The following ZNF676 variants were observed in gnomAD, a reference collection of about 807,000 sequenced individuals.
The protein encoded by ZNF676 is zinc finger protein 676.
A neutral mutation model predicts 6.0 loss-of-function variants in ZNF676; 4 were observed. The ratio of observed to expected loss-of-function variants is 0.67; its 90% CI spans 0.33 to 1.53. The LOEUF is 1.53. Among genes scored for constraint, ZNF676 ranks in the 40% most tolerant of loss-of-function variants. The pLI, the probability that ZNF676 is intolerant of heterozygous loss-of-function variation, is 0.06. For synonymous variants in ZNF676, 198 were observed against 223.1 expected, an observed-to-expected ratio of 0.89 and a Z score of 1.00; for missense variants, 644 against 679.7, an observed-to-expected ratio of 0.95 and a Z score of 0.58.
chr19:22,231,079 T>C, the ZNF676 span, among the ~76,000 whole-genome samples: 2 of 151,754 alleles, frequency 1.3e-5, no homozygotes, highest in South Asian at 2.1e-4. Context: ...TTGAAAAAAA[T>C]TTAGAAAACA....
upstream of ZNF676, among the ~76,000 whole-genome samples, chr19:22,201,303 T>A (rs1265448654): frequency 6.6e-6 from 1 of 152,146 alleles, no homozygotes; most frequent in Non-Finnish European, 1.5e-5. Context: ...CTGGGGCAGG[T>A]TAATGAAGAT....
At chr19:22,254,187 A>G in the ZNF676 span, among the ~76,000 whole-genome samples, 1 of 152,108 alleles carries the variant, frequency 6.6e-6, no homozygotes, top group Non-Finnish European at 1.5e-5. Context: ...CCACAGATAT[A>G]TTACAATCCC....
At position 22,180,626 on chromosome 19, in the gene ZNF676, G is replaced by A. The variant is rs758119822; in HGVS notation, c.1091C>T (p.Pro364Leu). ...KHKIIHTGEK[P>L]YKCEGCGKAF... is the part of the protein sequence containing the mutation. Reference sequence around the variant, plus strand: ...TTTGCCACATCCTTCACATTTGTAGGGTTTCTCTCCAGTATGAATAATCTT... The same window carrying A: ...TTTGCCACATCCTTCACATTTGTAGAGTTTCTCTCCAGTATGAATAATCTT... Residue 364 changes from proline to leucine, a missense_variant, in exon 3 of 3, where the codon CCC becomes CTC. This residue lies in a region of ZNF676 where 306 missense variants were observed against 265.4 expected (regional missense o/e 1.15). Coordinates refer to ENST00000397121, the MANE Select transcript of ZNF676 (RefSeq NM_001001411.3). 2.5e-6 allele frequency: 4 copies of A among 1,612,538 alleles called. No homozygotes were observed. Among genetic ancestry groups the A allele is most frequent in the Non-Finnish European group, 3.4e-6 (4 of 1,179,438 alleles).
At chr19:22,194,391 A>G (rs1299876973) in intron 1 of ZNF676, among the ~76,000 whole-genome samples, 1 of 152,212 alleles carries the variant, frequency 6.6e-6, no homozygotes, top group Admixed American at 6.5e-5. Context: ...TTGGGGAATT[A>G]CCTTAAAGCT....
chr19:22,215,977 G>C (rs2024184145), upstream of ZNF676, among the ~76,000 whole-genome samples: 1 of 152,194 alleles, frequency 6.6e-6, no homozygotes, highest in African/African-American at 2.4e-5. Context: ...TCCTCCCTGA[G>C]CTGAGCCAGG....
At chr19:22,223,306 T>C in the ZNF676 span, among the ~76,000 whole-genome samples, 1 of 152,180 alleles carries the variant, frequency 6.6e-6, no homozygotes, top group African/African-American at 2.4e-5. Flanking sequence ...CTCAAAGCTC[T>C]TTTGAAGGTA....
At chr19:22,251,760 C>G in the ZNF676 span, among the ~76,000 whole-genome samples, 2 of 146,900 alleles carry the variant, frequency 1.4e-5, no homozygotes, top group Non-Finnish European at 3.0e-5. Flanking sequence ...GCACTCCAGC[C>G]TGGCCGACAG....
the ZNF676 span, among the ~76,000 whole-genome samples, chr19:22,236,340 T>A: frequency 6.6e-6 from 1 of 152,102 alleles, no homozygotes; most frequent in Non-Finnish European, 1.5e-5. Context: ...TGATCAACTG[T>A]AAGTTGGACC....
the ZNF676 span, among the ~76,000 whole-genome samples, chr19:22,249,998 C>T: frequency 2.0e-4 from 30 of 151,786 alleles, no homozygotes; most frequent in African/African-American, 7.0e-4. Context: ...GCCTGACTAA[C>T]ATGGTGAAAC....
At chr19:22,206,851 G>C (rs1192122342) in intron 1 of ZNF676, among the ~76,000 whole-genome samples, 2 of 152,006 alleles carry the variant, frequency 1.3e-5, no homozygotes, top group Non-Finnish European at 2.9e-5. Context: ...GAAATCACAA[G>C]ATTATCTCAA....
chr19:22,223,718 C>T, the ZNF676 span, among the ~76,000 whole-genome samples: 2 of 151,974 alleles, frequency 1.3e-5, no homozygotes, highest in East Asian at 1.9e-4. Context: ...AAGTTTGCTG[C>T]AGGCAGAAAG....
At position 22,181,310 on chromosome 19, in the gene ZNF676, G is replaced by A; in HGVS notation, c.407C>T (p.Thr136Ile). ...TTTACATTTCAAACCTTTCTCTCCA[G>A]TATGCCTTATCTTATGTCTGTTTGA... The part of the protein sequence containing the change: ...SNSNRHKIRH[T>I]GEKGLKCKEY... Residue 136 changes from threonine (T) to isoleucine (I), a missense_variant, in exon 3 of 3, where the codon ACT becomes ATT. Transcript: ENST00000397121. The A allele has an allele frequency of 6.2e-7, 1 of 1,613,760 alleles. No individual in the cohort carries two copies. Among genetic ancestry groups the A allele is most frequent in the South Asian group, 1.1e-5 (1 of 91,070 alleles).
upstream of ZNF676, among the ~76,000 whole-genome samples, chr19:22,218,510 T>G (rs1478424012): frequency 6.6e-6 from 1 of 151,252 alleles, no homozygotes; most frequent in Non-Finnish European, 1.5e-5. Context: ...ATTTTTTTTT[T>G]TTTTTTTGTA....
At chr19:22,207,590 C>CA (rs1376507081) in intron 1 of ZNF676, among the ~76,000 whole-genome samples, 2 of 151,972 alleles carry the variant, frequency 1.3e-5, no homozygotes, top group South Asian at 2.1e-4. Flanking sequence ...ACTAAAAAAA[C>CA]AACTATTTTA....
At chr19:22,230,861 T>C in the ZNF676 span, among the ~76,000 whole-genome samples, 6 of 151,856 alleles carry the variant, frequency 4.0e-5, no homozygotes, top group African/African-American at 1.4e-4. Context: ...CGTTTCACCA[T>C]GTTGGCCAGG....
At position 22,179,929 on chromosome 19, in the gene ZNF676, T is replaced by C. The variant is rs1599707844; in HGVS notation, c.*21A>G. ...ACTAGACTGAGAATCAGCTGAAGGA[T>C]TTACCACATTCTTCACATTTTTAGG... is the stretch of plus-strand genomic sequence containing the variant. On this transcript the variant is annotated 3_prime_UTR_variant, in exon 3 of 3. Coordinates refer to ENST00000397121, the MANE Select transcript of ZNF676 (RefSeq NM_001001411.3). 1.2e-6 allele frequency: 2 copies of C among 1,606,808 alleles called. No homozygotes were observed. The highest frequency in any genetic ancestry group is 2.2e-5 in the East Asian group (1 of 44,748).
chr19:22,218,361 G>C (rs918433377), upstream of ZNF676, among the ~76,000 whole-genome samples: 6 of 152,038 alleles, frequency 3.9e-5, no homozygotes, highest in African/African-American at 1.4e-4. Context: ...TTGAGACGGA[G>C]TCTCGCTCTG....
chr19:22,256,942 C>T, the ZNF676 span, among the ~76,000 whole-genome samples: 2 of 152,132 alleles, frequency 1.3e-5, no homozygotes, highest in Non-Finnish European at 2.9e-5. Flanking sequence ...GTCACATCTT[C>T]TAGGTGCTAG....
At chr19:22,182,740 T>C (rs1367471254) in intron 2 of ZNF676, among the ~76,000 whole-genome samples, 1 of 150,290 alleles carries the variant, frequency 6.7e-6, no homozygotes, top group African/African-American at 2.4e-5. Context: ...ACGTCTTCCA[T>C]AGGAAAGATG....
Sources: allele counts gnomAD v4.1 joint callset (sites outside exome capture counted in the v4.1 genomes callset), GRCh38; gene constraint gnomAD v4.1.1; regional missense constraint gnomAD v4.1.1; transcripts MANE v1.5; gene names NCBI Gene and HGNC (gene_info 2026-07-23, HGNC 2026-07-21).